The following EYA4 variants were observed in gnomAD, a reference collection of about 807,000 sequenced individuals.
EYA4 encodes the protein EYA transcriptional coactivator and phosphatase 4, also known as protein phosphatase EYA4.
Under a neutral mutation model 87.9 loss-of-function variants are expected in EYA4, and 31 were observed. The ratio of observed to expected loss-of-function variants is 0.35; its 90% CI spans 0.27 to 0.48. The LOEUF (loss-of-function observed/expected upper bound fraction) is 0.48. Among genes scored for constraint, EYA4 ranks in the 20% least tolerant of loss-of-function variants. The probability of loss-of-function intolerance (pLI) is 0.99; values close to 1 mark genes in which losing one functional copy is unlikely to be tolerated. For missense variants in EYA4, 678 were observed against 761.4 expected (o/e 0.89, Z 1.29); for synonymous variants, 263 against 270.6 (o/e 0.97, Z 0.28).
At chr6:133,510,261 C>T (rs1014653290) in intron 14 of EYA4, 2 of 153,310 alleles carry the variant, frequency 1.3e-5, no homozygotes, top group African/African-American at 4.8e-5. Context: ...AGGATTCCTC[C>T]ACTTTTTTGA....
chr6:133,308,456 T>A (rs1199524107), intron 2 of EYA4, among the ~76,000 whole-genome samples: 1 of 152,192 alleles, frequency 6.6e-6, no homozygotes, highest in Non-Finnish European at 1.5e-5. Flanking sequence ...TATTGTTTGA[T>A]GCTTAGGTTT....
chr6:133,512,754 T>C lies in EYA4; in HGVS notation c.1315T>C (p.Ser439Pro), dbSNP rs755820624. The C allele has an allele frequency of 1.2e-6, 2 of 1,613,572 alleles. No homozygotes were observed. Among genetic ancestry groups the C allele is most frequent in the Admixed American group, 3.3e-5 (2 of 60,030 alleles). Residue 439 changes from serine (S) to proline (P), a missense_variant, in exon 15 of 20, where the codon TCT becomes CCT. Transcript: ENST00000355286. ...CDQVHIDDVS[S>P]DDNGQDLSTY... ...TCAAGTTCATATAGATGATGTTTCC[T>C]CTGATGATAATGGGCAGGACTTAAG...
chr6:133,393,321 A>G (rs557938629), intron 3 of EYA4, among the ~76,000 whole-genome samples: 2 of 152,302 alleles, frequency 1.3e-5, no homozygotes, highest in Non-Finnish European at 2.9e-5. Context: ...AGCATCTACT[A>G]TGGGTCAGGC....
At chr6:133,261,744 C>A (rs532567684) in intron 1 of EYA4, among the ~76,000 whole-genome samples, 9 of 152,266 alleles carry the variant, frequency 5.9e-5, no homozygotes, top group African/African-American at 2.2e-4. Context: ...CTCTACTGTA[C>A]AGCAAAGAAT....
intron 2 of EYA4, among the ~76,000 whole-genome samples, chr6:133,294,237 G>C (rs1168190346): frequency 6.6e-6 from 1 of 150,432 alleles, no homozygotes; most frequent in African/African-American, 2.4e-5. Context: ...CTCCTAAGTA[G>C]TGTGTTTATA....
intron 13 of EYA4, among the ~76,000 whole-genome samples, chr6:133,488,036 A>G (rs78813415): frequency 0.012 from 1,877 of 152,244 alleles, 43 homozygotes; most frequent in African/African-American, 0.042. Context: ...GCATGAAAGC[A>G]TTCGCCACAA....
chr6:133,512,022 TA>T (rs1219304289), intron 14 of EYA4, among the ~76,000 whole-genome samples: 1 of 151,900 alleles, frequency 6.6e-6, no homozygotes, highest in Admixed American at 6.6e-5. Flanking sequence ...TATACTTACA[TA>T]AAGTTTATTT....
intron 17 of EYA4, among the ~76,000 whole-genome samples, chr6:133,519,633 T>C (rs1371829910): frequency 4.6e-5 from 7 of 151,168 alleles, no homozygotes; most frequent in Non-Finnish European, 1.0e-4. Flanking sequence ...GAATCCTCTC[T>C]AACTCATTTT....
rs748654006 is a variant in EYA4 at position 133,468,585 on chromosome 6, C to T, written c.824C>T (p.Ala275Val). Residue 275 changes from alanine to valine, a missense_variant, in exon 11 of 20, where the codon GCC (alanine) becomes GTC (valine). Ala to Val is a moderately conservative substitution (Grantham distance 64). Transcript: ENST00000355286. ...GSQQDYPSYT[A>V]FGQNQYAQYY... ...TTTCAGGATTATCCATCCTATACAG[C>T]CTTTGGCCAAAACCAGTATGCACAG... The T allele has an allele frequency of 3.7e-6, 6 of 1,611,578 alleles. No individual in the cohort carries two copies. Among genetic ancestry groups the T allele is most frequent in the Admixed American group, 1.7e-5 (1 of 59,810 alleles).
intron 1 of EYA4, among the ~76,000 whole-genome samples, chr6:133,274,090 G>T (rs1776965407): frequency 6.6e-6 from 1 of 152,020 alleles, no homozygotes; most frequent in African/African-American, 2.4e-5. Flanking sequence ...ATATTTTAAT[G>T]TATGGTATGG....
intron 2 of EYA4, among the ~76,000 whole-genome samples, chr6:133,369,117 A>G (rs187240699): frequency 3.3e-5 from 5 of 152,338 alleles, no homozygotes; most frequent in African/African-American, 1.2e-4. Context: ...AAATGAGTTT[A>G]ATCTTTCTTT....
rs929906491 is a variant in EYA4, at chr6:133,506,009, T to C, written c.1192-97T>C. 6.3e-6 allele frequency: 5 copies of C among 793,274 alleles called. No individual in the cohort carries two copies. The African/African-American group carries it at 8.6e-5, about 14-fold the overall frequency. 49.1% of individuals were successfully genotyped at this position (793,274 alleles called of 1,614,324 possible). A position where few individuals can be genotyped will look rare whatever the true frequency, so the allele number is the denominator to read the frequency against. On this transcript the variant is annotated intron_variant, in intron 13 of 19. Transcript: ENST00000355286. ...ATCTTCAGTAAAAACCCATGCAGTCTTCTCCCTCTTCCACCACAGCAATAT... is the reference window on the plus strand; with the variant it reads ...ATCTTCAGTAAAAACCCATGCAGTCCTCTCCCTCTTCCACCACAGCAATAT...
intron 1 of EYA4, among the ~76,000 whole-genome samples, chr6:133,252,282 C>A (rs768104297): frequency 4.6e-5 from 7 of 152,150 alleles, no homozygotes; most frequent in Non-Finnish European, 1.0e-4. Context: ...GATTAAAATA[C>A]TTAGTGAGTT....
At chr6:133,373,123 C>T (rs1445030213) in intron 2 of EYA4, among the ~76,000 whole-genome samples, 1 of 151,916 alleles carries the variant, frequency 6.6e-6, no homozygotes, top group Non-Finnish European at 1.5e-5. Flanking sequence ...TGATGGTGTA[C>T]TAGAGTATAT....
intron 16 of EYA4, among the ~76,000 whole-genome samples, chr6:133,513,698 A>G (rs1799354279): frequency 6.6e-6 from 1 of 152,158 alleles, no homozygotes; most frequent in Admixed American, 6.5e-5. Context: ...ATGTGCTTCT[A>G]TATATAAAAT....
intron 3 of EYA4, among the ~76,000 whole-genome samples, chr6:133,406,865 T>G (rs159422): frequency 0.069 from 10,514 of 152,212 alleles, 536 homozygotes; most frequent in Non-Finnish European, 0.11. Context: ...GAGTGTAAAT[T>G]AGGGAGAAAT....
chr6:133,303,984 A>G (rs1465636801), intron 2 of EYA4, among the ~76,000 whole-genome samples: 1 of 152,172 alleles, frequency 6.6e-6, no homozygotes, highest in Non-Finnish European at 1.5e-5. Context: ...CTTTATCTTC[A>G]GCCGTTCCTG....
At chr6:133,445,273 G>A (rs747281945) in intron 3 of EYA4, among the ~76,000 whole-genome samples, 10 of 152,068 alleles carry the variant, frequency 6.6e-5, no homozygotes, top group African/African-American at 1.2e-4. Flanking sequence ...CCTGTATACA[G>A]TGCAATTATT....
rs1223111880 is a variant in EYA4, at chr6:133,495,006, C to T, written c.1192-11100C>T. ...TCATGACGCCAGGTGCGGTGGCTCACGCCTATAATCCCAGCACTTTGGGAG... is the reference window on the plus strand; with the variant it reads ...TCATGACGCCAGGTGCGGTGGCTCATGCCTATAATCCCAGCACTTTGGGAG... On this transcript the variant is annotated intron_variant, in intron 13 of 19. Coordinates refer to ENST00000355286, the MANE Select transcript of EYA4 (RefSeq NM_004100.5). 1.1e-4 allele frequency among the ~76,000 whole-genome samples: 17 copies of T among 152,226 alleles called. 1 individual carries two copies.
Sources: gnomAD v4.1 joint callset for allele counts (sites outside exome capture counted in the v4.1 genomes callset) on GRCh38, gnomAD v4.1.1 for gene constraint, MANE v1.5 for transcripts, NCBI Gene and HGNC (gene_info 2026-07-23, HGNC 2026-07-21) for gene names.